Variants in GPC5 observed in about 807,000 individuals in gnomAD.
GPC5 encodes the protein glypican 5, also known as glypican-5.
A neutral mutation model predicts 53.9 loss-of-function variants in GPC5; 47 were observed. The ratio of observed to expected loss-of-function variants is 0.87; its 90% CI spans 0.69 to 1.11. The LOEUF (loss-of-function observed/expected upper bound fraction) is 1.11. Among genes scored for constraint, GPC5 ranks in the 50% most tolerant of loss-of-function variants. GPC5 has a pLI of 0.00. For missense variants in GPC5, 748 were observed against 713.1 expected (o/e 1.05, Z -0.56); for synonymous variants, 286 against 263.3 (o/e 1.09, Z -0.84).
chr13:91,463,913 C>T (rs977279828), intron 2 of GPC5, among the ~76,000 whole-genome samples: 1 of 151,938 alleles, frequency 6.6e-6, no homozygotes, highest in African/African-American at 2.4e-5. Context: ...AAAATTGGGC[C>T]TTGTGAAAAT....
At chr13:92,490,650 A>G (rs973352688) in intron 7 of GPC5, among the ~76,000 whole-genome samples, 1 of 152,120 alleles carries the variant, frequency 6.6e-6, no homozygotes, top group Non-Finnish European at 1.5e-5. Flanking sequence ...AAAAGATATA[A>G]AAGTGTTTTG....
chr13:92,560,982 C>T (rs1440756145), intron 7 of GPC5, among the ~76,000 whole-genome samples: 1 of 150,888 alleles, frequency 6.6e-6, no homozygotes, highest in African/African-American at 2.4e-5. Flanking sequence ...AAGTACAATT[C>T]CAAATTTCTG....
At chr13:92,766,873 A>ATTGC (rs1272359697) in intron 7 of GPC5, among the ~76,000 whole-genome samples, 1 of 152,210 alleles carries the variant, frequency 6.6e-6, no homozygotes, top group Admixed American at 6.5e-5. Flanking sequence ...AGTTTTAAAC[A>ATTGC]TTGCTTGGGT....
At chr13:92,102,555 G>A (rs1248778554) in intron 6 of GPC5, among the ~76,000 whole-genome samples, 2 of 152,128 alleles carry the variant, frequency 1.3e-5, no homozygotes, top group Non-Finnish European at 2.9e-5. Context: ...CCTAAAATGA[G>A]AGGAAGCAAC....
At chr13:92,168,538 A>G (rs1350840576) in intron 7 of GPC5, among the ~76,000 whole-genome samples, 1 of 152,234 alleles carries the variant, frequency 6.6e-6, no homozygotes, top group Non-Finnish European at 1.5e-5. Flanking sequence ...ATGAACAGAT[A>G]CTTCTTGAAA....
chr13:91,403,881 A>G (rs949250581), intron 1 of GPC5, among the ~76,000 whole-genome samples: 2 of 151,368 alleles, frequency 1.3e-5, no homozygotes, highest in African/African-American at 4.9e-5. Context: ...GGGGTTAATT[A>G]TAACTATTGC....
At chr13:91,993,279 T>C (rs939959168) in intron 6 of GPC5, among the ~76,000 whole-genome samples, 8 of 152,210 alleles carry the variant, frequency 5.3e-5, no homozygotes, top group Non-Finnish European at 1.5e-5. Flanking sequence ...TTAATTTTAA[T>C]TCAAATGAGC....
intron 7 of GPC5, among the ~76,000 whole-genome samples, chr13:92,818,686 T>C (rs1279473104): frequency 2.0e-5 from 3 of 152,008 alleles, no homozygotes; most frequent in Admixed American, 2.0e-4. Context: ...TTCTTGGCTG[T>C]ATTTTTGCAG....
At chr13:92,593,006 T>C (rs1883762676) in intron 7 of GPC5, among the ~76,000 whole-genome samples, 1 of 151,058 alleles carries the variant, frequency 6.6e-6, no homozygotes, top group Admixed American at 6.6e-5. Flanking sequence ...TCATGTTGGC[T>C]GGGGAATAGA....
intron 6 of GPC5, among the ~76,000 whole-genome samples, chr13:91,979,588 A>G (rs2040339262): frequency 2.0e-5 from 3 of 152,212 alleles, no homozygotes; most frequent in African/African-American, 7.2e-5. Flanking sequence ...GGTATTGAAT[A>G]ATGTGTGATA....
At chr13:92,393,851 C>T (rs1048270475) in intron 7 of GPC5, among the ~76,000 whole-genome samples, 33 of 152,076 alleles carry the variant, frequency 2.2e-4, no homozygotes, top group African/African-American at 6.7e-4. Context: ...ACATGTACAC[C>T]GAAACCTAAA....
intron 5 of GPC5, among the ~76,000 whole-genome samples, chr13:91,859,824 T>C (rs2039006239): frequency 6.6e-6 from 1 of 152,026 alleles, no homozygotes; most frequent in Non-Finnish European, 1.5e-5. Flanking sequence ...CTTTTAAACA[T>C]ATGTATTTTT....
chr13:91,454,993 G>A (rs1881438649), intron 2 of GPC5, among the ~76,000 whole-genome samples: 1 of 151,976 alleles, frequency 6.6e-6, no homozygotes, highest in African/African-American at 2.4e-5. Context: ...GGACATTTGG[G>A]AGATTACAAC....
At chr13:91,554,481 T>G (rs902795913) in intron 2 of GPC5, among the ~76,000 whole-genome samples, 2 of 152,048 alleles carry the variant, frequency 1.3e-5, no homozygotes, top group African/African-American at 2.4e-5. Context: ...GTTTCAGTTT[T>G]AAGTGGTAAA....
At chr13:91,708,273 GTT>G (rs1018672208) in intron 3 of GPC5, among the ~76,000 whole-genome samples, 2 of 147,008 alleles carry the variant, frequency 1.4e-5, no homozygotes, top group African/African-American at 2.5e-5. Context: ...TTTTGTTTTT[GTT>G]TTTTTTTTGT....
At chr13:92,844,720 G>A (rs1878553592) in intron 7 of GPC5, among the ~76,000 whole-genome samples, 1 of 152,052 alleles carries the variant, frequency 6.6e-6, no homozygotes, top group East Asian at 1.9e-4. Flanking sequence ...ATCCTGATCA[G>A]TATTATCTAT....
chr13:91,880,791 TTTTG>T (rs202041740), intron 5 of GPC5, among the ~76,000 whole-genome samples: 17 of 151,976 alleles, frequency 1.1e-4, no homozygotes, highest in South Asian at 4.1e-4. Context: ...GTTTGGGGTT[TTTTG>T]TTTGTTTGTT....
At chr13:92,175,612 G>A (rs1007011919) in intron 7 of GPC5, among the ~76,000 whole-genome samples, 1 of 152,000 alleles carries the variant, frequency 6.6e-6, no homozygotes, top group African/African-American at 2.4e-5. Flanking sequence ...ACTAGATGGG[G>A]CTTGTGGGCT....
At chr13:92,375,116 A>G (rs1158910239) in intron 7 of GPC5, among the ~76,000 whole-genome samples, 1 of 152,208 alleles carries the variant, frequency 6.6e-6, no homozygotes, top group East Asian at 1.9e-4. Flanking sequence ...GATCAAAGGT[A>G]GATAATTAAT....
Sources: gnomAD v4.1 joint callset for allele counts (sites outside exome capture counted in the v4.1 genomes callset) on GRCh38, gnomAD v4.1.1 for gene constraint, MANE v1.5 for transcripts, NCBI Gene and HGNC (gene_info 2026-07-23, HGNC 2026-07-21) for gene names.